Variants in VWA3B observed in about 807,000 individuals in gnomAD.
VWA3B encodes the protein von Willebrand factor A domain-containing protein 3B.
A neutral mutation model predicts 158.3 loss-of-function variants in VWA3B; 138 were observed. The ratio of observed to expected loss-of-function variants is 0.87; its 90% confidence interval spans 0.76 to 1.00. The LOEUF is 1.00. Among genes scored for constraint, VWA3B ranks in the 50% least tolerant of loss-of-function variants. VWA3B has a pLI of 0.00. For synonymous variants in VWA3B, 596 were observed against 587.3 expected, an observed-to-expected ratio of 1.01 and a Z score of -0.21; for missense variants, 1,555 against 1,565.1, an observed-to-expected ratio of 0.99 and a Z score of 0.11.
chr2:98,139,019 G>A (rs1676509209), intron 7 of VWA3B, among the ~76,000 whole-genome samples: 1 of 152,226 alleles, frequency 6.6e-6, no homozygotes, highest in African/African-American at 2.4e-5. Flanking sequence ...GCACGAGCGG[G>A]AGCCGGGGCT....
At chr2:98,283,888 C>T (rs1195100012) in intron 22 of VWA3B, among the ~76,000 whole-genome samples, 1 of 152,246 alleles carries the variant, frequency 6.6e-6, no homozygotes, top group Admixed American at 6.5e-5. Context: ...CCTGTTTCTC[C>T]TGCCTCCTAG....
chr2:98,181,095 C>T lies in VWA3B; in HGVS notation c.1194C>T (p.Gly398=). Residue 398 remains glycine, a synonymous_variant, in exon 9 of 28, where the codon GGC becomes GGT. Coordinates refer to ENST00000477737, the MANE Select transcript of VWA3B (RefSeq NM_144992.5). ...CTAAGACATGGCTGCAGAAATATGG[C>T]TTGAAGGCCCAGAAGCTATCCTTGT... ...WDSKTWLQKY[G]LKAQKLSLYD... 1 of 1,614,218 alleles carries T rather than the reference C, an allele frequency of 6.2e-7. No individual in the cohort carries two copies. The highest frequency in any genetic ancestry group is 8.5e-7 in the Non-Finnish European group (1 of 1,180,040).
At chr2:98,167,231 G>A (rs557206782) in intron 8 of VWA3B, among the ~76,000 whole-genome samples, 43 of 152,204 alleles carry the variant, frequency 2.8e-4, no homozygotes, top group Non-Finnish European at 5.9e-4. Context: ...ATAGTACCAG[G>A]AGGGCAGTTT....
chr2:98,292,711 T>C (rs1436412855), intron 23 of VWA3B, among the ~76,000 whole-genome samples: 2 of 152,072 alleles, frequency 1.3e-5, no homozygotes, highest in Non-Finnish European at 2.9e-5. Context: ...ACACCTGTAA[T>C]CTCAGCACTT....
chr2:98,287,401 AT>A (rs1402445907), intron 22 of VWA3B, among the ~76,000 whole-genome samples: 1 of 152,150 alleles, frequency 6.6e-6, no homozygotes, highest in Admixed American at 6.5e-5. Context: ...CTGCTATGTT[AT>A]TTCATTTTTC....
downstream of VWA3B, among the ~76,000 whole-genome samples, chr2:98,316,682 T>C (rs1691095366): frequency 1.3e-5 from 2 of 151,864 alleles, no homozygotes; most frequent in Non-Finnish European, 1.5e-5. Flanking sequence ...TCCCCAATGT[T>C]TGAGGAGGGC....
intron 7 of VWA3B, among the ~76,000 whole-genome samples, chr2:98,148,240 C>T (rs181755847): frequency 2.3e-3 from 350 of 152,330 alleles, no homozygotes; most frequent in Non-Finnish European, 4.0e-3. Flanking sequence ...ACACCCATTT[C>T]ACAGAACCTG....
chr2:98,159,682 T>C (rs1204998159), intron 7 of VWA3B, among the ~76,000 whole-genome samples: 1 of 152,244 alleles, frequency 6.6e-6, no homozygotes, highest in African/African-American at 2.4e-5. Context: ...GCTTCTGTTG[T>C]CAGGCAGACC....
At chr2:98,272,708 G>A (rs1265973502) in intron 22 of VWA3B, among the ~76,000 whole-genome samples, 1 of 152,078 alleles carries the variant, frequency 6.6e-6, no homozygotes, top group Non-Finnish European at 1.5e-5. Flanking sequence ...TATGAGCCAG[G>A]AATCATGGAA....
chr2:98,160,343 T>C (rs1165919734), intron 7 of VWA3B, among the ~76,000 whole-genome samples: 1 of 152,236 alleles, frequency 6.6e-6, no homozygotes, highest in Non-Finnish European at 1.5e-5. Context: ...TTCTTTTCTT[T>C]TGTTTTTAAG....
At chr2:98,130,075 G>A (rs1360422002) in intron 6 of VWA3B, among the ~76,000 whole-genome samples, 3 of 152,176 alleles carry the variant, frequency 2.0e-5, no homozygotes, top group East Asian at 1.9e-4. Flanking sequence ...TCATTATCGG[G>A]TGTGGCAGGA....
intron 9 of VWA3B, among the ~76,000 whole-genome samples, chr2:98,184,142 TCTGACACGCTG>T (rs1680821856): frequency 6.6e-6 from 1 of 152,220 alleles, no homozygotes; most frequent in Non-Finnish European, 1.5e-5. Flanking sequence ...CTTTTCCCAT[TCTGACACGCTG>T]CTGCCTGACA....
At chr2:98,109,112 C>A (rs928149657) in intron 2 of VWA3B, among the ~76,000 whole-genome samples, 6 of 151,788 alleles carry the variant, frequency 4.0e-5, no homozygotes, top group African/African-American at 1.5e-4. Flanking sequence ...CCTGCCTCAG[C>A]CTTCCGAGTA....
chr2:98,250,171 T>C (rs999993397), intron 19 of VWA3B, 147 bp from the exon 20 acceptor site: 15 of 574,910 alleles, frequency 2.6e-5, no homozygotes, highest in Non-Finnish European at 3.9e-5. Context: ...TTCTCTGTGA[T>C]TTACTGTGTT....
At chr2:98,230,885 C>A (rs1685293919) in intron 16 of VWA3B, among the ~76,000 whole-genome samples, 1 of 152,140 alleles carries the variant, frequency 6.6e-6, no homozygotes, top group African/African-American at 2.4e-5. Flanking sequence ...ATTGTATTGT[C>A]TATGTAGAAA....
chr2:98,114,841 T>A (rs752434533), intron 2 of VWA3B, among the ~76,000 whole-genome samples: 1 of 152,180 alleles, frequency 6.6e-6, no homozygotes, highest in Admixed American at 6.5e-5. Context: ...TGTATTCCTA[T>A]CCTGTAAGCA....
At chr2:98,159,851 C>G (rs1421953665) in intron 7 of VWA3B, among the ~76,000 whole-genome samples, 1 of 151,686 alleles carries the variant, frequency 6.6e-6, no homozygotes, top group African/African-American at 2.4e-5. Flanking sequence ...AACCCCATCT[C>G]TACTAAAAAA....
chr2:98,111,344 A>C (rs1226158526), intron 2 of VWA3B, among the ~76,000 whole-genome samples: 1 of 152,210 alleles, frequency 6.6e-6, no homozygotes, highest in East Asian at 1.9e-4. Flanking sequence ...TATAAACCAC[A>C]TTTTAAAAAT....
chr2:98,328,920 C>T, the VWA3B span, among the ~76,000 whole-genome samples: 1 of 151,610 alleles, frequency 6.6e-6, no homozygotes, highest in African/African-American at 2.4e-5. Flanking sequence ...ATTTAACCTA[C>T]CTCATCTCAA....
Sources: gnomAD v4.1 joint callset for allele counts (sites outside exome capture counted in the v4.1 genomes callset) on GRCh38, gnomAD v4.1.1 for gene constraint, MANE v1.5 for transcripts, NCBI Gene and HGNC (gene_info 2026-07-23, HGNC 2026-07-21) for gene names.